DNAH10: variants seen among roughly 807,000 people sequenced by gnomAD.
DNAH10 encodes axonemal beta dynein heavy chain 10.
A neutral mutation model predicts 506.6 loss-of-function variants in DNAH10; 348 were observed. The ratio of observed to expected loss-of-function variants is 0.69; its 90% CI spans 0.63 to 0.75. The LOEUF is 0.75. DNAH10 is among the 30% of genes least tolerant of loss of function. The pLI is 0.00. For missense variants in DNAH10, 5,179 were observed against 5,787.1 expected, an observed-to-expected ratio of 0.89 and a Z score of 3.41; for synonymous variants, 2,059 against 2,198.6, an observed-to-expected ratio of 0.94 and a Z score of 1.78.
chr12:123,788,031 T>A, intron 10 of DNAH10, 29 bp downstream of exon 10: 1 of 1,552,032 alleles, frequency 6.4e-7, no homozygotes, highest in Non-Finnish European at 8.7e-7. Flanking sequence ...CCGGCGGAAT[T>A]TGCCCCGAAG....
chr12:123,832,332 T>C (rs2136516271), intron 26 of DNAH10, among the ~76,000 whole-genome samples: 1 of 152,266 alleles, frequency 6.6e-6, no homozygotes, highest in South Asian at 2.1e-4. Context: ...CACGTACATA[T>C]AATGTACACA....
At chr12:123,854,829 A>T (rs1206344802) in intron 36 of DNAH10, among the ~76,000 whole-genome samples, 1 of 152,236 alleles carries the variant, frequency 6.6e-6, no homozygotes, top group African/African-American at 2.4e-5. Flanking sequence ...TTTTGCTTCA[A>T]ATTAGAACCA....
At chr12:123,912,693 A>G (rs116954432) in intron 59 of DNAH10, among the ~76,000 whole-genome samples, 91 of 152,314 alleles carry the variant, frequency 6.0e-4, no homozygotes, top group Non-Finnish European at 1.1e-3. Flanking sequence ...TACAAAGAGA[A>G]TAAGGTTAAT....
intron 52 of DNAH10, among the ~76,000 whole-genome samples, chr12:123,890,228 A>G (rs971351805): frequency 6.6e-5 from 10 of 152,150 alleles, no homozygotes; most frequent in African/African-American, 2.4e-4. Flanking sequence ...TCTCAGTGCA[A>G]TGACGTAGTC....
rs1594266050 is a variant in DNAH10, at chr12:123,877,849, C to T, written c.8313C>T (p.Ile2771=). 1.2e-6 allele frequency: 2 copies of T among 1,613,884 alleles called. No homozygotes were observed. Among genetic ancestry groups the T allele is most frequent in the African/African-American group, 1.3e-5 (1 of 74,914 alleles). ...CCACTCCGTCAAAGTTCCATTACAT[C>T]TTCAACCTTCGAGATCTCTCACGGG... ...LPPTPSKFHY[I]FNLRDLSRVF... is the part of the protein sequence containing the mutation. The change falls in exon 48 of 79, where the codon ATC becomes ATT. Residue 2771 remains isoleucine (I), a synonymous_variant. Transcript: ENST00000673944.
At chr12:123,867,782 C>T in intron 42 of DNAH10, 121 bp from the exon 43 acceptor site, 1 of 1,336,304 alleles carries the variant, frequency 7.5e-7, no homozygotes, top group Non-Finnish European at 1.0e-6. Context: ...TCTGTCTGAA[C>T]CAACATGTTG....
chr12:123,916,550 A>T lies in DNAH10; in HGVS notation c.10816A>T (p.Ile3606Phe). 1 of 1,613,918 alleles carries T rather than the reference A, an allele frequency of 6.2e-7. No individual in the cohort carries two copies. ...CCTGTTCCGCGATGTTGATGAATAC[A>T]TCGATCCTGTGATTGACAACGTCTT... is the stretch of plus-strand genomic sequence containing the variant. Reference protein sequence around the residue: ...PFLFRDVDEYIDPVIDNVLEK... With the variant: ...PFLFRDVDEYFDPVIDNVLEK... Residue 3606 changes from isoleucine to phenylalanine, a missense_variant, in exon 63 of 79, where the codon ATC becomes TTC. This residue lies in a region of DNAH10 where 4,844 missense variants were observed against 5,430.5 expected (regional missense o/e 0.89). Transcript: ENST00000673944. This position sits in a 1 kb window ranked among gnomAD's most constrained non-coding sequence, Gnocchi z 4.6.
Position 123,903,295 on chromosome 12 carries a change from G to A in DNAH10, c.9815+182G>A, listed in dbSNP as rs1484326929. On this transcript the variant is annotated intron_variant, in intron 57 of 78. Transcript: ENST00000673944. The surrounding 1 kb of genome is among the most constrained non-coding windows in gnomAD (Gnocchi z 4.6). ...TTCGGATGGGGAAAATGAGGCCCAG[G>A]GAGATGAGGTGGGCGCCCCAGGCAT... Among the ~76,000 whole-genome samples, 1 of 152,182 alleles carries A rather than the reference G, an allele frequency of 6.6e-6. No homozygotes were observed. Among genetic ancestry groups the A allele is most frequent in the Non-Finnish European group, 1.5e-5 (1 of 68,032 alleles).
intron 58 of DNAH10, among the ~76,000 whole-genome samples, chr12:123,910,161 T>TG (rs1302715067): frequency 3.9e-5 from 6 of 152,204 alleles, no homozygotes; most frequent in African/African-American, 1.2e-4. Context: ...GAATCTTCAT[T>TG]GGATGGACTT....
intron 21 of DNAH10, among the ~76,000 whole-genome samples, chr12:123,814,778 C>A (rs1412502458): frequency 6.6e-6 from 1 of 152,086 alleles, no homozygotes; most frequent in African/African-American, 2.4e-5. Context: ...CCACACCCGG[C>A]TAATTATTTT....
At chr12:123,896,130 CACACACACACACACACACAGAGAGAG>C (rs1315812271) in intron 54 of DNAH10, among the ~76,000 whole-genome samples, 9 of 111,144 alleles carry the variant, frequency 8.1e-5, no homozygotes, top group African/African-American at 4.1e-4. Context: ...CACACACACA[CACACACACACACACACACAGAGAGAG>C]AGAGAGAGAG....
At chr12:123,905,996 C>T (rs1336572228) in intron 57 of DNAH10, among the ~76,000 whole-genome samples, 1 of 151,858 alleles carries the variant, frequency 6.6e-6, no homozygotes, top group African/African-American at 2.4e-5. Context: ...CGGCTCACTG[C>T]AACCTCCGCC....
chr12:123,800,063 C>T (rs1044658541), intron 14 of DNAH10, among the ~76,000 whole-genome samples, 153 bp from the exon 15 acceptor site: 8 of 152,190 alleles, frequency 5.3e-5, no homozygotes, highest in African/African-American at 1.7e-4. Context: ...GTTCACCAAA[C>T]AAAATACATA....
At position 123,877,786 on chromosome 12, in the gene DNAH10, G is replaced by A. The variant is rs538616792; in HGVS notation, c.8250G>A (p.Thr2750=). Residue 2750 remains threonine (T), a synonymous_variant, in exon 48 of 79, where the codon ACG becomes ACA. Coordinates refer to ENST00000673944, the MANE Select transcript of DNAH10 (RefSeq NM_001372106.1). ...TGAGTGGCAAGCTGACATTCTGCAC[G>A]CTAGCACTTTACAAAAATATTGTGC... ...VAVSGKLTFC[T]LALYKNIVQD... 6.9e-5 allele frequency: 111 copies of A among 1,613,880 alleles called. No homozygotes were observed. The highest frequency in any genetic ancestry group is 1.6e-4 in the Middle Eastern group (1 of 6,062).
chr12:123,877,933 A>G, intron 48 of DNAH10, 25 bp downstream of exon 48: 2 of 1,610,390 alleles, frequency 1.2e-6, no homozygotes, highest in Middle Eastern at 1.7e-4. Context: ...TCTTACTAAA[A>G]TATGCCCCAC....
chr12:123,816,980 G>GT lies in DNAH10; in HGVS notation c.3781-1962dup, dbSNP rs545922832. On this transcript the variant is annotated intron_variant, in intron 21 of 78. Coordinates refer to ENST00000673944, the MANE Select transcript of DNAH10 (RefSeq NM_001372106.1). The stretch of plus-strand genomic sequence containing the variant: ...GATCTTTTGGAAACACCAACTTTGG[G>GT]TTTTTTTTATCCCTTCTATGTGTGG... Among the ~76,000 whole-genome samples, 174 of 151,560 alleles carry GT rather than the reference G, an allele frequency of 1.1e-3. 1 individual carries two copies. Among genetic ancestry groups the GT allele is most frequent in the African/African-American group, 3.2e-3 (134 of 41,328 alleles).
intron 39 of DNAH10, among the ~76,000 whole-genome samples, chr12:123,862,691 G>A (rs553512765): frequency 3.3e-5 from 5 of 152,202 alleles, no homozygotes; most frequent in South Asian, 4.2e-4. Flanking sequence ...ATGCCTGGCC[G>A]TTGAGTCCTT....
chr12:123,879,013 A>T (rs1003403510), intron 48 of DNAH10, among the ~76,000 whole-genome samples: 1 of 152,246 alleles, frequency 6.6e-6, no homozygotes, highest in Non-Finnish European at 1.5e-5. Context: ...TCATTTATAG[A>T]CAACGCTCTT....
intron 12 of DNAH10, among the ~76,000 whole-genome samples, chr12:123,795,105 G>A (rs1390792308): frequency 2.1e-5 from 3 of 142,286 alleles, no homozygotes; most frequent in African/African-American, 2.7e-5. Flanking sequence ...CTGAGATCGC[G>A]CGATTGCACT....
Sources: allele counts gnomAD v4.1 joint callset (sites outside exome capture counted in the v4.1 genomes callset), GRCh38; gene constraint gnomAD v4.1.1; regional missense constraint gnomAD v4.1.1; non-coding constraint Gnocchi (gnomAD v3.1); transcripts MANE v1.5; gene names NCBI Gene and HGNC (gene_info 2026-07-23, HGNC 2026-07-21).